Variants in RNF145 observed in about 807,000 individuals in gnomAD.
The protein encoded by RNF145 is ring finger protein 145.
In RNF145, 12 loss-of-function variants were observed where a neutral mutation model predicts 57.3. The observed-to-expected ratio is 0.21, with a 90% CI of 0.13 to 0.34. The LOEUF (loss-of-function observed/expected upper bound fraction) is 0.34, where lower values mean the gene tolerates loss of function less well. RNF145 is among the 10% of genes least tolerant of loss of function. The pLI, the probability that RNF145 is intolerant of heterozygous loss-of-function variation, is 1.00. For synonymous variants in RNF145, 262 were observed against 288.3 expected, an observed-to-expected ratio of 0.91 and a Z score of 0.92; for missense variants, 429 against 799.0, an observed-to-expected ratio of 0.54 and a Z score of 5.58.
intron 6 of RNF145, 63 bp downstream of exon 6, chr5:159,173,920 T>C (rs1784634491): frequency 1.8e-6 from 2 of 1,125,748 alleles, no homozygotes; most frequent in Admixed American, 2.7e-5. Flanking sequence ...AAACTTACTA[T>C]TCCTAGATCA....
At chr5:159,195,357 T>C (rs1035569779) in intron 2 of RNF145, among the ~76,000 whole-genome samples, 6 of 152,176 alleles carry the variant, frequency 3.9e-5, no homozygotes, top group Admixed American at 3.9e-4. Flanking sequence ...TTCTTTTCAC[T>C]GCGATTTTTT....
intron 2 of RNF145, 122 bp downstream of exon 2, chr5:159,203,312 C>G (rs899441933): frequency 2.1e-5 from 14 of 665,930 alleles, no homozygotes; most frequent in Middle Eastern, 6.5e-4. Flanking sequence ...AAACACTCAT[C>G]AATAACTATA....
intron 4 of RNF145, among the ~76,000 whole-genome samples, chr5:159,178,906 C>G (rs926038919): frequency 6.6e-6 from 1 of 151,922 alleles, no homozygotes; most frequent in Non-Finnish European, 1.5e-5. Context: ...TAAACACATA[C>G]GGTATTTTAT....
Position 159,185,372 on chromosome 5 carries a change from T to C in RNF145, c.294-3321A>G, listed in dbSNP as rs1261424538. ...CTAAAAGGAGGATCTGGGCATCCCA[T>C]CCCAAACTGTAGAGAATAACTGAAA... On this transcript the variant is annotated intron_variant, in intron 3 of 10. Transcript: ENST00000424310. 3.3e-5 allele frequency among the ~76,000 whole-genome samples: 5 copies of C among 152,198 alleles called. No homozygotes were observed. In the East Asian group the frequency reaches 9.7e-4, roughly 29 times the overall value.
At chr5:159,174,310 TAATA>T (rs1346646561) in intron 5 of RNF145, 152 bp from the exon 6 acceptor site, 6 of 593,760 alleles carry the variant, frequency 1.0e-5, no homozygotes, top group African/African-American at 5.6e-5. Flanking sequence ...CCTATATAGT[TAATA>T]AATAGCATGT....
At chr5:159,189,223 G>T (rs1368747365) in intron 3 of RNF145, among the ~76,000 whole-genome samples, 1 of 152,132 alleles carries the variant, frequency 6.6e-6, no homozygotes, top group Non-Finnish European at 1.5e-5. Context: ...TAAGGGACTT[G>T]TATCTAGAAT....
intron 1 of RNF145, chr5:159,207,472 C>T: frequency 1.3e-6 from 2 of 1,510,750 alleles, no homozygotes; most frequent in Non-Finnish European, 1.8e-6. Flanking sequence ...AATCATCATT[C>T]ACCATTATCT....
At chr5:159,200,733 G>A (rs368374628) in intron 2 of RNF145, among the ~76,000 whole-genome samples, 8 of 152,148 alleles carry the variant, frequency 5.3e-5, no homozygotes, top group African/African-American at 1.9e-4. Context: ...TATCACAAAG[G>A]ATTAATTTCC....
At chr5:159,179,950 T>C (rs1784833503) in intron 4 of RNF145, among the ~76,000 whole-genome samples, 1 of 152,144 alleles carries the variant, frequency 6.6e-6, no homozygotes, top group South Asian at 2.1e-4. Flanking sequence ...TCAGGCATTC[T>C]AGGGAAAGCA....
intron 9 of RNF145, among the ~76,000 whole-genome samples, chr5:159,162,177 T>C (rs1784237749): frequency 6.6e-6 from 1 of 152,206 alleles, no homozygotes; most frequent in Admixed American, 6.5e-5. Context: ...ATGTGTGCAA[T>C]ACACACACAT....
In RNF145 at chr5:159,157,628, T is replaced by C. The variant is rs914893587; in HGVS notation, c.*1042A>G. 8 of 152,846 alleles carry C rather than the reference T, an allele frequency of 5.2e-5. No homozygotes were observed. The highest frequency in any genetic ancestry group is 1.7e-4 in the African/African-American group (7 of 41,576). The allele number at this position is 152,846 out of a possible 1,614,324, so 9.5% of individuals were successfully genotyped here. A position where few individuals can be genotyped will look rare whatever the true frequency, so the allele number is the denominator to read the frequency against. On this transcript the variant is annotated 3_prime_UTR_variant, in exon 11 of 11. Transcript: ENST00000424310. Reference sequence around the variant, plus strand: ...ATTCCCCCCTCCCCAGTTCTACCTGTAGCCATGATGAATGTAAAAATTTAA... The same window carrying C: ...ATTCCCCCCTCCCCAGTTCTACCTGCAGCCATGATGAATGTAAAAATTTAA...
intron 1 of RNF145, chr5:159,208,103 C>T (rs531834329): frequency 9.0e-6 from 13 of 1,448,734 alleles, no homozygotes; most frequent in African/African-American, 2.8e-5. Flanking sequence ...CTGCACAGGC[C>T]CCTTCCTCTC....
At chr5:159,181,870 G>GT in intron 4 of RNF145, 90 bp downstream of exon 4, 2 of 731,052 alleles carry the variant, frequency 2.7e-6, no homozygotes, top group African/African-American at 1.8e-5. Context: ...TGAGAATTCC[G>GT]TTTTAAAAAA....
At position 159,183,299 on chromosome 5, in the gene RNF145, G is replaced by C. The variant is rs374485224; in HGVS notation, c.294-1248C>G. ...AACCAAGGGGCAATTTTGCTCCTGA[G>C]GGGATATTCTACAACCTCTGGAAAC... On this transcript the variant is annotated intron_variant, in intron 3 of 10. Coordinates refer to ENST00000424310, the MANE Select transcript of RNF145 (RefSeq NM_001199383.2). Among the ~76,000 whole-genome samples, 3 of 152,258 alleles carry C rather than the reference G, an allele frequency of 2.0e-5. No homozygotes were observed. In the East Asian group the frequency reaches 5.8e-4, roughly 29 times the overall value.
intron 3 of RNF145, among the ~76,000 whole-genome samples, chr5:159,182,598 T>C (rs1562061832): frequency 6.6e-6 from 1 of 152,130 alleles, no homozygotes; most frequent in East Asian, 1.9e-4. Flanking sequence ...ATTATAATAT[T>C]TAAGTAGGCT....
At chr5:159,197,263 AT>A (rs1442872041) in intron 2 of RNF145, among the ~76,000 whole-genome samples, 2 of 152,166 alleles carry the variant, frequency 1.3e-5, no homozygotes, top group East Asian at 3.9e-4. Flanking sequence ...TAAAAGTGTA[AT>A]TTTCAGGGGA....
chr5:159,202,436 A>G (rs1011119121), intron 2 of RNF145, among the ~76,000 whole-genome samples: 3 of 152,186 alleles, frequency 2.0e-5, no homozygotes, highest in African/African-American at 7.2e-5. Flanking sequence ...TATCCACAAA[A>G]GATGAGTTTA....
chr5:159,200,869 T>C (rs549582040), intron 2 of RNF145, among the ~76,000 whole-genome samples: 1 of 152,356 alleles, frequency 6.6e-6, no homozygotes, highest in African/African-American at 2.4e-5. Context: ...GTATGTTCAA[T>C]TCATTCATAA....
intron 3 of RNF145, among the ~76,000 whole-genome samples, chr5:159,191,095 A>C (rs78405922): frequency 2.0e-5 from 3 of 151,428 alleles, no homozygotes; most frequent in South Asian, 4.2e-4. Context: ...AAAAAAAAAA[A>C]GGCAAAAAAT....
Sources: allele counts gnomAD v4.1 joint callset (sites outside exome capture counted in the v4.1 genomes callset), GRCh38; gene constraint gnomAD v4.1.1; transcripts MANE v1.5; gene names NCBI Gene and HGNC (gene_info 2026-07-23, HGNC 2026-07-21).